PDE4D: variants seen among roughly 807,000 people sequenced by gnomAD.
The protein encoded by PDE4D is phosphodiesterase 4D, also known as 3',5'-cyclic-AMP phosphodiesterase 4D.
A neutral mutation model predicts 87.4 loss-of-function variants in PDE4D; 24 were observed. The ratio of observed to expected loss-of-function variants is 0.27; its 90% confidence interval spans 0.20 to 0.39. The LOEUF (loss-of-function observed/expected upper bound fraction) is 0.39, where lower values mean the gene tolerates loss of function less well. Among genes scored for constraint, PDE4D ranks in the 10% least tolerant of loss-of-function variants. The pLI is 1.00. For synonymous variants in PDE4D, 384 were observed against 383.2 expected, an observed-to-expected ratio of 1.00 and a Z score of -0.02; for missense variants, 714 against 1,041.0, an observed-to-expected ratio of 0.69 and a Z score of 4.32.
intron 1 of PDE4D, among the ~76,000 whole-genome samples, chr5:59,627,752 T>C (rs1453389448): frequency 1.3e-5 from 2 of 152,198 alleles, no homozygotes; most frequent in East Asian, 3.8e-4. Context: ...CAATGAGAGA[T>C]GTTTGCTAGC....
At chr5:59,042,476 A>C (rs1216439132) in intron 5 of PDE4D, among the ~76,000 whole-genome samples, 1 of 152,210 alleles carries the variant, frequency 6.6e-6, no homozygotes, top group Non-Finnish European at 1.5e-5. Flanking sequence ...CACATACTGC[A>C]TTCATTAATA....
intron 1 of PDE4D, among the ~76,000 whole-genome samples, chr5:59,503,652 G>A (rs114683764): frequency 6.6e-6 from 1 of 152,070 alleles, no homozygotes; most frequent in African/African-American, 2.4e-5. Flanking sequence ...ATTCTACTGT[G>A]TTTCACTATA....
At chr5:59,053,076 A>G (rs543214794) in intron 5 of PDE4D, among the ~76,000 whole-genome samples, 44 of 152,236 alleles carry the variant, frequency 2.9e-4, no homozygotes, top group African/African-American at 7.7e-4. Context: ...ATAATTAGCA[A>G]CAGTATTGAT....
At chr5:60,279,154 G>A (rs937464133) in intron 1 of PDE4D, among the ~76,000 whole-genome samples, 2 of 152,102 alleles carry the variant, frequency 1.3e-5, no homozygotes, top group Non-Finnish European at 2.9e-5. Context: ...TATTACTGCT[G>A]GGTGAAGGTG....
chr5:60,139,949 C>T (rs1363183033), intron 2 of PDE4D, among the ~76,000 whole-genome samples: 1 of 151,954 alleles, frequency 6.6e-6, no homozygotes, highest in Non-Finnish European at 1.5e-5. Flanking sequence ...GTAGTATTTA[C>T]CAACTAATTT....
At chr5:59,410,446 T>C (rs6876934) in intron 1 of PDE4D, among the ~76,000 whole-genome samples, 25,765 of 151,968 alleles carry the variant, frequency 0.17, 2,916 homozygotes, top group African/African-American at 0.31. Flanking sequence ...GGGGTTTCAT[T>C]ATGTTGGCCA....
chr5:60,065,462 G>T (rs1489195203), intron 2 of PDE4D, among the ~76,000 whole-genome samples: 1 of 151,882 alleles, frequency 6.6e-6, no homozygotes, highest in African/African-American at 2.4e-5. Flanking sequence ...TATACTCTAA[G>T]TTTTAGGGTA....
At chr5:59,193,636 A>C in intron 2 of PDE4D, 100 bp from the exon 3 acceptor site, 1 of 1,538,022 alleles carries the variant, frequency 6.5e-7, no homozygotes, top group Non-Finnish European at 8.7e-7. Flanking sequence ...GAGTTCCCAT[A>C]GAGAATTACA....
chr5:59,378,168 A>C (rs1785053871), intron 1 of PDE4D, among the ~76,000 whole-genome samples: 1 of 152,226 alleles, frequency 6.6e-6, no homozygotes, highest in Non-Finnish European at 1.5e-5. Flanking sequence ...TCTTTAGCAA[A>C]CTAATGCAAG....
rs1419888108 is a variant in PDE4D at position 59,615,287 on chromosome 5, A to G, written c.455+277881T>C. ...GATATATTAGACAAAACAAAATTGA[A>G]CCCTGGTATGTTTGAATTGGGAGTA... On this transcript the variant is annotated intron_variant, in intron 1 of 14. Coordinates refer to ENST00000340635, the MANE Select transcript of PDE4D (RefSeq NM_001104631.2). Among the ~76,000 whole-genome samples the G allele has an allele frequency of 7.2e-5, 11 of 152,254 alleles. No homozygotes were observed. In the East Asian group the frequency reaches 1.9e-3, roughly 27 times the overall value.
chr5:59,934,450 T>C (rs1187293121), intron 3 of PDE4D, among the ~76,000 whole-genome samples: 1 of 152,216 alleles, frequency 6.6e-6, no homozygotes, highest in Admixed American at 6.5e-5. Context: ...TTCCAGTTGA[T>C]TCCTGCTTCT....
At chr5:60,180,194 G>T (rs1022830925) in intron 2 of PDE4D, among the ~76,000 whole-genome samples, 1 of 152,182 alleles carries the variant, frequency 6.6e-6, no homozygotes, top group Non-Finnish European at 1.5e-5. Context: ...ACATGTGATT[G>T]ATTTAAAGCA....
At chr5:59,000,934 C>T (rs1750407010) in intron 6 of PDE4D, among the ~76,000 whole-genome samples, 1 of 152,088 alleles carries the variant, frequency 6.6e-6, no homozygotes, top group African/African-American at 2.4e-5. Flanking sequence ...GGGGATCTGC[C>T]CACCTCAGCC....
chr5:59,561,906 T>G lies in PDE4D; in HGVS notation c.455+331262A>C, dbSNP rs185153100. 8.6e-3 allele frequency among the ~76,000 whole-genome samples: 1,272 copies of G among 148,302 alleles called. 11 individuals are homozygous for G. Among genetic ancestry groups the G allele is most frequent in the Admixed American group, 0.013 (184 of 14,676 alleles). ...GAGATCGCACCACTGCACTCCAGCC[T>G]GGGCAACAAGAGTGAAACGCTGTCA... On this transcript the variant is annotated intron_variant, in intron 1 of 14. Coordinates refer to ENST00000340635, the MANE Select transcript of PDE4D (RefSeq NM_001104631.2).
At chr5:60,447,984 C>T (rs1471006807) in intron 1 of PDE4D, among the ~76,000 whole-genome samples, 2 of 152,022 alleles carry the variant, frequency 1.3e-5, no homozygotes, top group Non-Finnish European at 2.9e-5. Flanking sequence ...GTTGGGTTTT[C>T]TCATGATTTT....
intron 1 of PDE4D, among the ~76,000 whole-genome samples, chr5:59,744,223 T>A (rs1369494252): frequency 6.6e-6 from 1 of 152,112 alleles, no homozygotes; most frequent in Non-Finnish European, 1.5e-5. Flanking sequence ...TAATTCATAA[T>A]GGAGGAATCT....
At chr5:59,014,920 C>G (rs1451064661) in intron 6 of PDE4D, among the ~76,000 whole-genome samples, 1 of 152,118 alleles carries the variant, frequency 6.6e-6, no homozygotes, top group Admixed American at 6.6e-5. Context: ...GGTACAAGAA[C>G]AGAGATATAG....
chr5:60,242,476 C>T (rs867541401), intron 1 of PDE4D, among the ~76,000 whole-genome samples: 5 of 152,098 alleles, frequency 3.3e-5, no homozygotes, highest in African/African-American at 9.6e-5. Flanking sequence ...CAAATGATCC[C>T]GATAGATATT....
chr5:59,878,984 C>T (rs1280794863), intron 1 of PDE4D, among the ~76,000 whole-genome samples: 2 of 149,212 alleles, frequency 1.3e-5, no homozygotes, highest in Non-Finnish European at 3.0e-5. Flanking sequence ...CTGCAAGCTC[C>T]GCCTCCTGGG....
Sources: allele counts gnomAD v4.1 joint callset (sites outside exome capture counted in the v4.1 genomes callset), GRCh38; gene constraint gnomAD v4.1.1; transcripts MANE v1.5; gene names NCBI Gene and HGNC (gene_info 2026-07-23, HGNC 2026-07-21).